IL1RAPL1: variants seen among roughly 807,000 people sequenced by gnomAD.
IL1RAPL1 encodes interleukin-1 receptor accessory protein-like 1.
Under a neutral mutation model 48.4 loss-of-function variants are expected in IL1RAPL1, and 3 were observed. The ratio of observed to expected loss-of-function variants is 0.06; its 90% CI spans 0.03 to 0.16. The LOEUF (loss-of-function observed/expected upper bound fraction) is 0.16, where lower values mean the gene tolerates loss of function less well. IL1RAPL1 is among the 10% of genes least tolerant of loss of function. The pLI, the probability that IL1RAPL1 is intolerant of heterozygous loss-of-function variation, is 1.00. For missense variants in IL1RAPL1, 349 were observed against 530.6 expected, an observed-to-expected ratio of 0.66 and a Z score of 3.36; for synonymous variants, 185 against 187.7, an observed-to-expected ratio of 0.99 and a Z score of 0.12.
intron 2 of IL1RAPL1, among the ~76,000 whole-genome samples, chrX:29,138,080 A>G (rs1245397201): frequency 8.9e-6 from 1 of 112,399 alleles, no homozygotes; most frequent in Non-Finnish European, 1.9e-5. Context: ...GTTTTACTTC[A>G]TGTGCTTCCA....
chrX:29,498,288 C>G (rs1326819763), intron 5 of IL1RAPL1, among the ~76,000 whole-genome samples: 3 of 111,630 alleles, frequency 2.7e-5, no homozygotes, highest in African/African-American at 6.5e-5. Flanking sequence ...GTTCTTCCCC[C>G]TCTTGGCCAT....
intron 3 of IL1RAPL1, among the ~76,000 whole-genome samples, chrX:29,358,368 T>G (rs770611201): frequency 1.8e-3 from 197 of 110,452 alleles, no homozygotes; most frequent in African/African-American, 5.9e-3. Context: ...TTTCATTGTC[T>G]GTGTCTCTAT....
At chrX:28,797,111 G>A (rs979674794) in intron 2 of IL1RAPL1, among the ~76,000 whole-genome samples, 4 of 112,040 alleles carry the variant, frequency 3.6e-5, no homozygotes, top group Non-Finnish European at 7.5e-5. Flanking sequence ...CTGGGACATA[G>A]GGCACCAGGT....
At chrX:28,782,605 G>A (rs990773369) in intron 1 of IL1RAPL1, among the ~76,000 whole-genome samples, 5 of 111,471 alleles carry the variant, frequency 4.5e-5, no homozygotes, top group African/African-American at 9.8e-5. Context: ...AAAGAAAAAG[G>A]TTTTCTATAT....
rs73531782 is a variant in IL1RAPL1, at chrX:28,706,293, A to G, written c.-24-83027A>G. 9.9e-3 allele frequency among the ~76,000 whole-genome samples: 1,114 copies of G among 112,643 alleles called. 15 individuals are homozygous for G. The highest frequency in any genetic ancestry group is 0.034 in the African/African-American group (1,054 of 31,047). ...GCATAGGAGCAATAGGCCATACCGT[A>G]TAGCCTAAGTATGTAATAGGCTGTA... is the stretch of plus-strand genomic sequence containing the variant. On this transcript the variant is annotated intron_variant, in intron 1 of 10. Transcript: ENST00000378993.
Position 28,999,880 on chromosome X carries a change from A to G in IL1RAPL1, c.82+210455A>G, listed in dbSNP as rs780747484. On this transcript the variant is annotated intron_variant, in intron 2 of 10. Transcript: ENST00000378993. ...TCAATGCCTTTTCAAATATAATTCA[A>G]CAAGGCCTGTTTTCAACCTCAAAGA... 7.1e-5 allele frequency among the ~76,000 whole-genome samples: 8 copies of G among 111,914 alleles called. No homozygotes were observed. In the South Asian group the frequency reaches 2.2e-3, roughly 31 times the overall value.
chrX:28,823,503 C>CT (rs1329361340), intron 2 of IL1RAPL1, among the ~76,000 whole-genome samples: 1 of 110,919 alleles, frequency 9.0e-6, no homozygotes, highest in African/African-American at 3.3e-5. Context: ...TATGATAACT[C>CT]TTAGTATATT....
chrX:29,827,156 A>T (rs1488164226), intron 6 of IL1RAPL1, among the ~76,000 whole-genome samples: 1 of 112,108 alleles, frequency 8.9e-6, no homozygotes, highest in East Asian at 2.8e-4. Context: ...TGTATTTGTA[A>T]CAAGCTCCCA....
intron 2 of IL1RAPL1, among the ~76,000 whole-genome samples, chrX:28,989,570 A>G (rs991327595): frequency 3.6e-5 from 4 of 112,341 alleles, no homozygotes; most frequent in African/African-American, 1.3e-4. Flanking sequence ...ACACTGACGC[A>G]TATACAAGGT....
At chrX:28,875,809 A>G (rs1922356917) in intron 2 of IL1RAPL1, among the ~76,000 whole-genome samples, 2 of 112,127 alleles carry the variant, frequency 1.8e-5, no homozygotes, top group South Asian at 3.7e-4. Context: ...GTAACCTTAC[A>G]TGTTGCTTAA....
intron 3 of IL1RAPL1, among the ~76,000 whole-genome samples, chrX:29,323,223 A>G (rs1226938357): frequency 9.0e-6 from 1 of 111,085 alleles, no homozygotes; most frequent in African/African-American, 3.3e-5. Context: ...TTTCTGAGCC[A>G]ATCTTCTCGA....
intron 2 of IL1RAPL1, among the ~76,000 whole-genome samples, chrX:29,166,655 C>G (rs1241561139): frequency 1.8e-5 from 2 of 111,889 alleles, no homozygotes; most frequent in Non-Finnish European, 3.8e-5. Context: ...TTGGTAACTT[C>G]CTGTTGGTCT....
At chrX:28,641,881 G>A (rs1165187253) in intron 1 of IL1RAPL1, among the ~76,000 whole-genome samples, 1 of 110,835 alleles carries the variant, frequency 9.0e-6, no homozygotes, top group Non-Finnish European at 1.9e-5. Flanking sequence ...TTTGCGAAGT[G>A]TCTGTTCATA....
At chrX:29,394,541 T>C (rs1003665933) in intron 3 of IL1RAPL1, among the ~76,000 whole-genome samples, 52 of 112,552 alleles carry the variant, frequency 4.6e-4, no homozygotes, top group African/African-American at 7.1e-4. Flanking sequence ...CAAATTCTTA[T>C]TCAGTCTCTA....
At chrX:29,488,428 C>T (rs1396259876) in intron 5 of IL1RAPL1, among the ~76,000 whole-genome samples, 4 of 111,680 alleles carry the variant, frequency 3.6e-5, no homozygotes, top group Non-Finnish European at 7.6e-5. Flanking sequence ...CAGAGCAAGA[C>T]TCCATCTCAA....
chrX:29,258,303 A>G (rs1251915052), intron 2 of IL1RAPL1, among the ~76,000 whole-genome samples: 3 of 111,858 alleles, frequency 2.7e-5, no homozygotes, highest in African/African-American at 9.7e-5. Context: ...TTGAATAACA[A>G]TGTGAGCGAT....
At chrX:29,632,531 A>T (rs1254579751) in intron 5 of IL1RAPL1, among the ~76,000 whole-genome samples, 2 of 111,943 alleles carry the variant, frequency 1.8e-5, no homozygotes, top group African/African-American at 6.5e-5. Context: ...GGAAAAATAC[A>T]TATAAAAATT....
At chrX:28,715,350 A>C (rs2146936836) in intron 1 of IL1RAPL1, among the ~76,000 whole-genome samples, 1 of 112,289 alleles carries the variant, frequency 8.9e-6, no homozygotes, top group South Asian at 3.7e-4. Context: ...GAAACTAATG[A>C]GAACAAAGAT....
At chrX:29,862,406 T>C (rs1163765384) in intron 6 of IL1RAPL1, among the ~76,000 whole-genome samples, 1 of 111,471 alleles carries the variant, frequency 9.0e-6, no homozygotes, top group Non-Finnish European at 1.9e-5. Flanking sequence ...CAGTTGGTTA[T>C]AAAAACGTGA....
Sources: gnomAD v4.1 joint callset for allele counts (sites outside exome capture counted in the v4.1 genomes callset) on GRCh38, gnomAD v4.1.1 for gene constraint, MANE v1.5 for transcripts, NCBI Gene and HGNC (gene_info 2026-07-23, HGNC 2026-07-21) for gene names.